HROB: variants seen among roughly 807,000 people sequenced by gnomAD.
HROB encodes homologous recombination OB-fold protein.
In HROB, 44 loss-of-function variants were observed where a neutral mutation model predicts 61.0. The ratio of observed to expected loss-of-function variants is 0.72; its 90% CI spans 0.57 to 0.93. The LOEUF (loss-of-function observed/expected upper bound fraction) is 0.93. Among genes scored for constraint, HROB ranks in the 40% least tolerant of loss-of-function variants. The probability of loss-of-function intolerance (pLI) is 0.00; values close to 1 mark genes in which losing one functional copy is unlikely to be tolerated. For missense variants in HROB, 716 were observed against 796.2 expected, an observed-to-expected ratio of 0.90 and a Z score of 1.21; for synonymous variants, 301 against 310.4, an observed-to-expected ratio of 0.97 and a Z score of 0.32.
At position 44,148,470 on chromosome 17, in the gene HROB, A is replaced by T; in HGVS notation, c.667A>T (p.Met223Leu). 1 of 1,614,138 alleles carries T rather than the reference A, an allele frequency of 6.2e-7. No homozygotes were observed. ...PVPAIHKAGI[M>L]SAQDESLDPV... ...GCCTGCCATCCACAAAGCGGGTATCATGTCCGCCCAGGATGAGTCTCTAGA... is the reference window on the plus strand; with the variant it reads ...GCCTGCCATCCACAAAGCGGGTATCTTGTCCGCCCAGGATGAGTCTCTAGA... The change falls in exon 3 of 10, where the codon ATG (methionine) becomes TTG (leucine). Residue 223 changes from methionine to leucine, a missense_variant. Coordinates refer to ENST00000585683, the MANE Select transcript of HROB (RefSeq NM_001171251.3).
At chr17:44,142,405 G>T (rs2631299) in intron 1 of HROB, among the ~76,000 whole-genome samples, 58,416 of 150,694 alleles carry the variant, frequency 0.39, 12,940 homozygotes, top group East Asian at 0.71. Context: ...CCTTTCCAGT[G>T]CGCTCAGACG....
At chr17:44,142,190 CT>C (rs2053464651) in intron 1 of HROB, 45 bp downstream of exon 1, 1 of 1,490,134 alleles carries the variant, frequency 6.7e-7, no homozygotes, top group Non-Finnish European at 8.9e-7. Flanking sequence ...GCAGGGCCCC[CT>C]GGCCTCCGGA....
At chr17:44,155,593 C>A (rs2053948790) in intron 8 of HROB, among the ~76,000 whole-genome samples, 182 bp downstream of exon 8, 1 of 152,176 alleles carries the variant, frequency 6.6e-6, no homozygotes, top group Admixed American at 6.5e-5. Flanking sequence ...TGGCAGATGG[C>A]TCAGTAACAG....
Position 44,161,962 on chromosome 17 carries a change from G to A in HROB, c.*30G>A, listed in dbSNP as rs1005829107. 1.9e-6 allele frequency: 3 copies of A among 1,604,620 alleles called. No homozygotes were observed. Among genetic ancestry groups the A allele is most frequent in the South Asian group, 2.2e-5 (2 of 90,860 alleles). On this transcript the variant is annotated 3_prime_UTR_variant, in exon 10 of 10. Coordinates refer to ENST00000585683, the MANE Select transcript of HROB (RefSeq NM_001171251.3). Reference sequence around the variant, plus strand: ...GCCCCAACGCAGGACAACCCACCATGAGCAGGCAGCTCTGGGCATGTGTCT... The same window carrying A: ...GCCCCAACGCAGGACAACCCACCATAAGCAGGCAGCTCTGGGCATGTGTCT...
At position 44,152,695 on chromosome 17, in the gene HROB, C is replaced by T; in HGVS notation, c.1367C>T (p.Thr456Ile). The change falls in exon 5 of 10, where the codon ACC (threonine) becomes ATC (isoleucine). Residue 456 changes from threonine to isoleucine, a missense_variant. Physicochemically the swap from Thr to Ile is moderately conservative, Grantham distance 89 (BLOSUM62 -1). Transcript: ENST00000585683. ...GATTTTGGGCGAGGGCCCTGGCTGACCATGAAATCCACGCTAGGCCTGGAT... is the reference window on the plus strand; with the variant it reads ...GATTTTGGGCGAGGGCCCTGGCTGATCATGAAATCCACGCTAGGCCTGGAT... ...EEDFGRGPWL[T>I]MKSTLGLDER... 6.2e-7 allele frequency: 1 copy of T among 1,614,178 alleles called. No homozygotes were observed. Among genetic ancestry groups the T allele is most frequent in the South Asian group, 1.1e-5 (1 of 91,078 alleles).
intron 4 of HROB, among the ~76,000 whole-genome samples, chr17:44,152,269 C>A (rs1263854029): frequency 6.6e-6 from 1 of 151,806 alleles, no homozygotes; most frequent in Non-Finnish European, 1.5e-5. Flanking sequence ...TGTGAGCCAC[C>A]GCGTCTGGCC....
chr17:44,156,846 A>G (rs2053985765), intron 8 of HROB, among the ~76,000 whole-genome samples: 2 of 151,922 alleles, frequency 1.3e-5, no homozygotes, highest in African/African-American at 2.4e-5. Flanking sequence ...TATTTTTAGT[A>G]GAGACGGGAT....
intron 8 of HROB, among the ~76,000 whole-genome samples, chr17:44,156,538 A>G (rs1258886991): frequency 6.6e-6 from 1 of 151,864 alleles, no homozygotes; most frequent in Non-Finnish European, 1.5e-5. Context: ...TTTCTTTTAA[A>G]TTTCAAATTA....
intron 1 of HROB, among the ~76,000 whole-genome samples, chr17:44,142,729 G>A (rs897498951): frequency 6.6e-6 from 1 of 152,032 alleles, no homozygotes; most frequent in Non-Finnish European, 1.5e-5. Context: ...GTGGACTGGG[G>A]CATCCTACTC....
chr17:44,142,182 A>G, intron 1 of HROB, 37 bp downstream of exon 1: 1 of 1,499,642 alleles, frequency 6.7e-7, no homozygotes, highest in Admixed American at 2.1e-5. Flanking sequence ...GGCGGGCCGC[A>G]GGGCCCCCTG....
At position 44,155,341 on chromosome 17, in the gene HROB, A is replaced by G. The variant is rs1567721505; in HGVS notation, c.1700A>G (p.Asn567Ser). 6.2e-7 allele frequency: 1 copy of G among 1,613,920 alleles called. No individual in the cohort carries two copies. Reference sequence around the variant, plus strand: ...CACTACCTCAACGTGACACCCAACAACCTGGTCCATATTTACAGCCCGGAT... The same window carrying G: ...CACTACCTCAACGTGACACCCAACAGCCTGGTCCATATTTACAGCCCGGAT... The part of the protein sequence containing the change: ...RNHYLNVTPN[N>S]LVHIYSPDSG... Residue 567 changes from asparagine (N) to serine (S), a missense_variant, in exon 8 of 10, where the codon AAC becomes AGC. Coordinates refer to ENST00000585683, the MANE Select transcript of HROB (RefSeq NM_001171251.3).
chr17:44,150,392 CT>C (rs34260212), intron 3 of HROB, among the ~76,000 whole-genome samples: 58,238 of 142,624 alleles, frequency 0.41, 13,946 homozygotes, highest in East Asian at 0.69. Flanking sequence ...TTCTTTCTTT[CT>C]TTTTTTTTTT....
intron 9 of HROB, among the ~76,000 whole-genome samples, chr17:44,160,862 C>A (rs985364841): frequency 1.3e-5 from 2 of 152,146 alleles, no homozygotes; most frequent in African/African-American, 4.8e-5. Context: ...CAAGCCAAGG[C>A]ATCACCAGAA....
At chr17:44,143,552 G>A (rs2053522351) in intron 1 of HROB, among the ~76,000 whole-genome samples, 1 of 152,054 alleles carries the variant, frequency 6.6e-6, no homozygotes, top group African/African-American at 2.4e-5. Flanking sequence ...GCTAAGGCAG[G>A]AGAATTGCTT....
chr17:44,148,833 G>C lies in HROB; in HGVS notation c.1030G>C (p.Ala344Pro). Residue 344 changes from alanine to proline, a missense_variant, in exon 3 of 10, where the codon GCT (alanine) becomes CCT (proline). Transcript: ENST00000585683. ...LFPRIPLQPQ[A>P]PVSSIGSPVG... is the part of the protein sequence containing the mutation. ...TCCTCGGATACCCTTACAACCGCAAGCTCCAGTGTCTTCCATTGGGTCTCC... is the reference window on the plus strand; with the variant it reads ...TCCTCGGATACCCTTACAACCGCAACCTCCAGTGTCTTCCATTGGGTCTCC... 1.2e-6 allele frequency: 2 copies of C among 1,614,188 alleles called. No homozygotes were observed. The highest frequency in any genetic ancestry group is 1.7e-6 in the Non-Finnish European group (2 of 1,180,038).
chr17:44,160,573 T>TA (rs1246627709), intron 9 of HROB, among the ~76,000 whole-genome samples: 4 of 151,816 alleles, frequency 2.6e-5, no homozygotes, highest in Non-Finnish European at 4.4e-5. Flanking sequence ...ATCTCAAAAA[T>TA]AAAAAAAATC....
At chr17:44,152,566 CT>C in intron 4 of HROB, 70 bp from the exon 5 acceptor site, 1 of 1,542,872 alleles carries the variant, frequency 6.5e-7, no homozygotes, top group South Asian at 1.2e-5. Context: ...CCCTTCCACC[CT>C]GTTTCAATCA....
chr17:44,162,441 AT>A lies in HROB; in HGVS notation c.*511del, dbSNP rs1473416190. 6.5e-6 allele frequency: 1 copy of A among 153,068 alleles called. No homozygotes were observed. The highest frequency in any genetic ancestry group is 1.5e-5 in the Non-Finnish European group (1 of 68,698). The allele number at this position is 153,068 out of a possible 1,614,324, so 9.5% of individuals were successfully genotyped here. On this transcript the variant is annotated 3_prime_UTR_variant, in exon 10 of 10. Transcript: ENST00000585683. ...CAGGTGCAGGACAGAGGTGTGGCCTATTGTACCTTGTTCTGAAATAAAGCAT... is the reference window on the plus strand; with the variant it reads ...CAGGTGCAGGACAGAGGTGTGGCCTATGTACCTTGTTCTGAAATAAAGCAT...
chr17:44,147,436 CTTTTT>C (rs34538292), intron 2 of HROB, among the ~76,000 whole-genome samples: 2 of 114,742 alleles, frequency 1.7e-5, no homozygotes, highest in Non-Finnish European at 1.7e-5. Context: ...TCTTTTCTTT[CTTTTT>C]TTTTTTTTTT....
Sources: gnomAD v4.1 joint callset for allele counts (sites outside exome capture counted in the v4.1 genomes callset) on GRCh38, gnomAD v4.1.1 for gene constraint, MANE v1.5 for transcripts, NCBI Gene and HGNC (gene_info 2026-07-23, HGNC 2026-07-21) for gene names.